The following ELOVL7 variants were observed in gnomAD, a reference collection of about 807,000 sequenced individuals.
ELOVL7 encodes the protein ELOVL fatty acid elongase 7.
ELOVL7 carries 27 observed loss-of-function variants against 35.7 expected under a neutral mutation model. That is an observed-to-expected ratio of 0.76 (90% CI 0.56 to 1.04). ELOVL7 has a LOEUF of 1.04. ELOVL7 is among the 50% of genes least tolerant of loss of function. The pLI is 0.00. For missense variants in ELOVL7, 327 were observed against 340.8 expected (o/e 0.96, Z 0.32); for synonymous variants, 113 against 114.6 (o/e 0.99, Z 0.09).
chr5:60,830,084 G>A (rs568580461), intron 1 of ELOVL7, among the ~76,000 whole-genome samples: 11 of 152,152 alleles, frequency 7.2e-5, no homozygotes, highest in South Asian at 4.2e-4. Context: ...TAAAATCCTT[G>A]CTCACAACCA....
intron 8 of ELOVL7, among the ~76,000 whole-genome samples, chr5:60,755,884 T>C (rs1741511491): frequency 6.6e-6 from 1 of 152,190 alleles, no homozygotes; most frequent in Admixed American, 6.5e-5. Flanking sequence ...TAAAACTCTA[T>C]AAAGAAATAG....
rs557674427 is a variant in ELOVL7, at chr5:60,790,919, TTCAA to T, written c.-34-3492_-34-3489del. ...AGAATCTGATTTTTTAAAATGAGCA[TTCAA>T]TCAAACTTATCCTTTTGTTTTAGTT... On this transcript the variant is annotated intron_variant, in intron 2 of 8. Coordinates refer to ENST00000508821, the MANE Select transcript of ELOVL7 (RefSeq NM_024930.3). Among the ~76,000 whole-genome samples the T allele has an allele frequency of 2.2e-3, 331 of 152,310 alleles. 1 individual carries two copies. Among genetic ancestry groups the T allele is most frequent in the Non-Finnish European group, 3.6e-3 (244 of 68,032 alleles).
At chr5:60,766,495 G>A in intron 6 of ELOVL7, 79 bp downstream of exon 6, 6 of 1,235,324 alleles carry the variant, frequency 4.9e-6, no homozygotes, top group Non-Finnish European at 6.9e-6. Context: ...GCAGTTTATT[G>A]GTTTCACTGA....
intron 8 of ELOVL7, among the ~76,000 whole-genome samples, chr5:60,756,010 T>C (rs76075715): frequency 0.013 from 1,999 of 152,362 alleles, 20 homozygotes; most frequent in Non-Finnish European, 0.022. Flanking sequence ...TCTTAATGTA[T>C]ATTTATGACA....
chr5:60,764,875 T>C (rs1742142704), intron 6 of ELOVL7, among the ~76,000 whole-genome samples: 2 of 151,886 alleles, frequency 1.3e-5, no homozygotes, highest in African/African-American at 2.4e-5. Context: ...CAAAACTGCA[T>C]AGAAAAAAAA....
In ELOVL7 at chr5:60,754,847, ACGTG is replaced by A; in HGVS notation, c.637-18_637-15del. 1.2e-6 allele frequency: 2 copies of A among 1,608,856 alleles called. No individual in the cohort carries two copies. The highest frequency in any genetic ancestry group is 1.7e-5 in the Admixed American group (1 of 59,556). On this transcript the variant is annotated splice_polypyrimidine_tract_variant and intron_variant, in intron 8 of 8. Coordinates refer to ENST00000508821, the MANE Select transcript of ELOVL7 (RefSeq NM_024930.3). ...AACAAACTGGACCTAAGAAATGAAA[ACGTG>A]AAAAAAAATTATTCAGATATGAAGA...
intron 2 of ELOVL7, among the ~76,000 whole-genome samples, chr5:60,796,967 G>C (rs1417859217): frequency 1.3e-5 from 2 of 152,126 alleles, no homozygotes; most frequent in African/African-American, 4.8e-5. Context: ...GAAATGTTTG[G>C]GGCTATGGCA....
At chr5:60,785,737 A>T (rs1470857215) in intron 3 of ELOVL7, 1 of 152,172 alleles carries the variant, frequency 6.6e-6, no homozygotes, top group East Asian at 1.9e-4. Context: ...ATATTGGAAA[A>T]CTAAGAAAAA....
At chr5:60,781,374 T>A (rs1322549495) in intron 3 of ELOVL7, among the ~76,000 whole-genome samples, 1 of 152,150 alleles carries the variant, frequency 6.6e-6, no homozygotes, top group East Asian at 1.9e-4. Flanking sequence ...ATCACACATA[T>A]GGTTAGAAAC....
chr5:60,812,704 C>A (rs926359059), intron 1 of ELOVL7, among the ~76,000 whole-genome samples: 1 of 152,152 alleles, frequency 6.6e-6, no homozygotes, highest in African/African-American at 2.4e-5. Flanking sequence ...TTGAGAACCT[C>A]CCTCTTGCTA....
intron 3 of ELOVL7, among the ~76,000 whole-genome samples, chr5:60,779,196 A>T (rs1743086902): frequency 6.6e-6 from 1 of 152,154 alleles, no homozygotes; most frequent in Admixed American, 6.5e-5. Flanking sequence ...CTCCAGGTGC[A>T]CAGTGCAAGC....
chr5:60,758,351 T>C (rs147156377), intron 7 of ELOVL7, among the ~76,000 whole-genome samples: 2 of 152,326 alleles, frequency 1.3e-5, no homozygotes, highest in East Asian at 3.8e-4. Context: ...TGGGCTATTC[T>C]GAATAAAGCT....
intron 3 of ELOVL7, among the ~76,000 whole-genome samples, chr5:60,778,006 T>C (rs1159504545): frequency 1.3e-5 from 2 of 152,228 alleles, no homozygotes; most frequent in Non-Finnish European, 2.9e-5. Flanking sequence ...AAACATAAAG[T>C]TCTATAATTT....
At chr5:60,824,284 C>G (rs181749803) in intron 1 of ELOVL7, among the ~76,000 whole-genome samples, 1 of 152,258 alleles carries the variant, frequency 6.6e-6, no homozygotes, top group East Asian at 1.9e-4. Context: ...AAGGTTATCA[C>G]AGTTGAGTCA....
Position 60,767,807 on chromosome 5 carries a change from C to G in ELOVL7, c.336+16G>C. The G allele has an allele frequency of 6.2e-7, 1 of 1,604,858 alleles. No individual in the cohort carries two copies. The highest frequency in any genetic ancestry group is 2.2e-5 in the East Asian group (1 of 44,802). On this transcript the variant is annotated intron_variant, in intron 5 of 8. Coordinates refer to ENST00000508821, the MANE Select transcript of ELOVL7 (RefSeq NM_024930.3). Reference sequence around the variant, plus strand: ...CATTGATTTTGAATTTCAAGTTTTTCCAAAGAGAAACTTACCCTCAAAGCT... The same window carrying G: ...CATTGATTTTGAATTTCAAGTTTTTGCAAAGAGAAACTTACCCTCAAAGCT...
At chr5:60,839,029 AAT>A (rs1301025060) in intron 1 of ELOVL7, among the ~76,000 whole-genome samples, 2,948 of 83,226 alleles carry the variant, frequency 0.035, 33 homozygotes, top group Middle Eastern at 0.056. Context: ...GTCAAAAAAA[AAT>A]ATATATATAT....
intron 1 of ELOVL7, among the ~76,000 whole-genome samples, chr5:60,825,411 C>T (rs71592685): frequency 0.2 from 30,558 of 152,144 alleles, 3,610 homozygotes; most frequent in Non-Finnish European, 0.27. Flanking sequence ...TTTTCTGCAT[C>T]GTACTTTTCA....
chr5:60,759,255 C>A (rs1186693966), intron 7 of ELOVL7, among the ~76,000 whole-genome samples: 1 of 152,124 alleles, frequency 6.6e-6, no homozygotes, highest in African/African-American at 2.4e-5. Context: ...CCCTCAATTA[C>A]CATAAATTTC....
intron 1 of ELOVL7, among the ~76,000 whole-genome samples, chr5:60,823,604 A>C (rs956716274): frequency 6.6e-6 from 1 of 152,212 alleles, no homozygotes; most frequent in Non-Finnish European, 1.5e-5. Flanking sequence ...AAGTGGGATC[A>C]ATTGCCAAGG....
Sources: allele counts gnomAD v4.1 joint callset (sites outside exome capture counted in the v4.1 genomes callset), GRCh38; gene constraint gnomAD v4.1.1; transcripts MANE v1.5; gene names NCBI Gene and HGNC (gene_info 2026-07-23, HGNC 2026-07-21).